ODF2L: variants seen among roughly 807,000 people sequenced by gnomAD.
ODF2L encodes outer dense fiber of sperm tails 2 like.
A neutral mutation model predicts 86.3 loss-of-function variants in ODF2L; 76 were observed. The ratio of observed to expected loss-of-function variants is 0.88; its 90% CI spans 0.73 to 1.07. The LOEUF (loss-of-function observed/expected upper bound fraction) is 1.07. ODF2L is among the 50% of genes least tolerant of loss of function. The pLI is 0.00. For synonymous variants in ODF2L, 241 were observed against 231.3 expected (o/e 1.04, Z -0.38); for missense variants, 748 against 717.4 (o/e 1.04, Z -0.49).
rs1370061969 is a variant in ODF2L at position 86,386,849 on chromosome 1, A to G, written c.113+66T>C. On this transcript the variant is annotated intron_variant, in intron 2 of 17. Transcript: ENST00000317336. Reference sequence around the variant, plus strand: ...GCTGTATTTGATTCAAATAATTTATATTATAGACAAAACAGGAAATCCTAG... The same window carrying G: ...GCTGTATTTGATTCAAATAATTTATGTTATAGACAAAACAGGAAATCCTAG... 4 of 778,524 alleles carry G rather than the reference A, an allele frequency of 5.1e-6. No homozygotes were observed. The Admixed American group carries it at 8.5e-5, about 17-fold the overall frequency. The allele number at this position is 778,524 out of a possible 1,614,324, so 48.2% of individuals were successfully genotyped here. A position where few individuals can be genotyped will look rare whatever the true frequency, so the allele number is the denominator to read the frequency against.
chr1:86,367,208 A>G (rs1659500278), intron 11 of ODF2L, among the ~76,000 whole-genome samples: 1 of 152,102 alleles, frequency 6.6e-6, no homozygotes, highest in South Asian at 2.1e-4. Flanking sequence ...ATTACTTTCA[A>G]TCTAGGTTGC....
intron 10 of ODF2L, among the ~76,000 whole-genome samples, chr1:86,370,385 C>T (rs79146316): frequency 0.016 from 2,472 of 152,120 alleles, 80 homozygotes; most frequent in African/African-American, 0.057. Context: ...GTACTCTATG[C>T]TACTAATATA....
At chr1:86,376,451 T>C in intron 7 of ODF2L, 33 bp from the exon 8 acceptor site, 1 of 1,344,394 alleles carries the variant, frequency 7.4e-7, no homozygotes, top group Non-Finnish European at 1.0e-6. Context: ...TTAAATTATT[T>C]CAGAACTCCA....
chr1:86,384,757 T>A (rs1400725166), exon 4 of ODF2L: 1 of 1,526,746 alleles, frequency 6.5e-7, no homozygotes, highest in Non-Finnish European at 8.8e-7. Context: ...TTATTAATAT[T>A]TCCTTCTGTT....
At chr1:86,386,473 C>T (rs2101446640) in intron 2 of ODF2L, 1 of 153,876 alleles carries the variant, frequency 6.5e-6, no homozygotes, top group East Asian at 1.9e-4. Context: ...GTGACCTTCG[C>T]CTCCCAGGTT....
Position 86,376,358 on chromosome 1 carries a change from T to C in ODF2L, c.685A>G (p.Ile229Val), listed in dbSNP as rs778823357. The C allele has an allele frequency of 3.7e-6, 6 of 1,612,624 alleles. No individual in the cohort carries two copies. The highest frequency in any genetic ancestry group is 2.2e-5 in the East Asian group (1 of 44,796). Reference sequence around the variant, plus strand: ...TGCCTACTTGCTTCTTTCATCACTATAGCCTCATTCTTATTCATTCTTGAT... The same window carrying C: ...TGCCTACTTGCTTCTTTCATCACTACAGCCTCATTCTTATTCATTCTTGAT... Residue 229 changes from isoleucine (I) to valine (V), a missense_variant, in exon 8 of 18, where the codon ATA becomes GTA. Ile to Val is a conservative substitution (Grantham distance 29, BLOSUM62 3). Transcript: ENST00000317336.
chr1:86,380,135 G>C (rs1046748229), intron 7 of ODF2L, among the ~76,000 whole-genome samples: 3 of 152,026 alleles, frequency 2.0e-5, no homozygotes, highest in Non-Finnish European at 2.9e-5. Flanking sequence ...TCCTTAGAAA[G>C]CCATTTTAAT....
intron 11 of ODF2L, among the ~76,000 whole-genome samples, chr1:86,361,340 A>G (rs975285440): frequency 6.6e-6 from 1 of 152,216 alleles, no homozygotes; most frequent in Non-Finnish European, 1.5e-5. Context: ...CAAATGCATT[A>G]CAGAAGAACA....
rs569700541 is a variant in ODF2L, at chr1:86,366,149, T to C, written c.1143+2487A>G. The stretch of plus-strand genomic sequence containing the variant: ...TCCACATATCCATTTAGTTTTCTCC[T>C]GTTTCGTTAGTCTTTTTATTGTCTC... On this transcript the variant is annotated intron_variant, in intron 11 of 17. Transcript: ENST00000317336. Among the ~76,000 whole-genome samples the C allele has an allele frequency of 5.9e-5, 9 of 152,268 alleles. No individual in the cohort carries two copies. The South Asian group carries it at 8.3e-4, about 14-fold the overall frequency.
At chr1:86,371,851 G>T (rs529510285) in intron 9 of ODF2L, among the ~76,000 whole-genome samples, 2 of 152,074 alleles carry the variant, frequency 1.3e-5, no homozygotes, top group South Asian at 2.1e-4. Flanking sequence ...ACAAATAATA[G>T]ATGGCATACT....
At chr1:86,392,194 C>T (rs1661381891) in intron 1 of ODF2L, among the ~76,000 whole-genome samples, 1 of 152,070 alleles carries the variant, frequency 6.6e-6, no homozygotes, top group African/African-American at 2.4e-5. Context: ...TAGATGTTGG[C>T]ATGGATGCAG....
At chr1:86,348,057 A>G (rs1657897141), downstream of ODF2L, 1 of 152,196 alleles carries the variant, frequency 6.6e-6, no homozygotes, top group Non-Finnish European at 1.5e-5. Context: ...CTAAAATAAT[A>G]ATAATATCAG....
At chr1:86,367,746 A>G (rs987070308) in intron 11 of ODF2L, among the ~76,000 whole-genome samples, 20 of 152,218 alleles carry the variant, frequency 1.3e-4, no homozygotes, top group Non-Finnish European at 2.5e-4. Flanking sequence ...GTTTAGAATC[A>G]ATCTATAAAA....
chr1:86,391,068 A>T (rs1661290993), intron 1 of ODF2L, among the ~76,000 whole-genome samples: 1 of 152,184 alleles, frequency 6.6e-6, no homozygotes, highest in Admixed American at 6.5e-5. Context: ...GAACTCAACC[A>T]CTTTTACAAT....
intron 1 of ODF2L, among the ~76,000 whole-genome samples, chr1:86,389,357 ACTAT>A (rs1435832943): frequency 2.0e-5 from 3 of 152,176 alleles, no homozygotes; most frequent in Non-Finnish European, 4.4e-5. Flanking sequence ...TAAGAGTGAC[ACTAT>A]CTATCAAAAC....
intron 16 of ODF2L, 92 bp downstream of exon 15, chr1:86,354,438 G>T: frequency 1.2e-6 from 1 of 809,714 alleles, no homozygotes; most frequent in South Asian, 1.8e-5. Flanking sequence ...CTGTCATCAG[G>T]ACAAAAACAA....
chr1:86,374,754 C>T (rs950844125), intron 8 of ODF2L, among the ~76,000 whole-genome samples: 3 of 152,182 alleles, frequency 2.0e-5, no homozygotes, highest in African/African-American at 7.2e-5. Flanking sequence ...CCAAAGACCA[C>T]AGACGTTTAC....
chr1:86,359,519 C>CT (rs5775904), intron 12 of ODF2L, among the ~76,000 whole-genome samples: 1,514 of 95,082 alleles, frequency 0.016, 44 homozygotes, highest in East Asian at 0.13. Flanking sequence ...TTAGTTCATT[C>CT]TTTTTTTTTT....
chr1:86,373,278 T>C (rs185639592), intron 8 of ODF2L, among the ~76,000 whole-genome samples: 55 of 151,622 alleles, frequency 3.6e-4, no homozygotes, highest in African/African-American at 1.0e-3. Context: ...TCTTTTCTTT[T>C]TACTGAACTT....
Sources: gnomAD v4.1 joint callset for allele counts (sites outside exome capture counted in the v4.1 genomes callset) on GRCh38, gnomAD v4.1.1 for gene constraint, MANE v1.5 for transcripts, NCBI Gene and HGNC (gene_info 2026-07-23, HGNC 2026-07-21) for gene names.